Variants in DSCAML1 observed in about 807,000 individuals in gnomAD.
The protein encoded by DSCAML1 is cell adhesion molecule DSCAML1.
In DSCAML1, 38 loss-of-function variants were observed where a neutral mutation model predicts 200.5. The ratio of observed to expected loss-of-function variants is 0.19; its 90% confidence interval spans 0.15 to 0.25. DSCAML1 has a LOEUF of 0.25. Among genes scored for constraint, DSCAML1 ranks in the 10% least tolerant of loss-of-function variants. DSCAML1 has a pLI of 1.00. For synonymous variants in DSCAML1, 1,215 were observed against 1,165.0 expected (o/e 1.04, Z -0.87); for missense variants, 2,223 against 2,858.8 (o/e 0.78, Z 5.07).
intron 3 of DSCAML1, among the ~76,000 whole-genome samples, chr11:117,557,343 C>T (rs2050576732): frequency 6.6e-6 from 1 of 152,118 alleles, no homozygotes; most frequent in African/African-American, 2.4e-5. Context: ...CCCTAAGGTG[C>T]AGGAAAGAAG....
chr11:117,431,603 C>A lies in DSCAML1; in HGVS notation c.5305G>T (p.Val1769Leu). 1.2e-6 allele frequency: 2 copies of A among 1,612,470 alleles called. No individual in the cohort carries two copies. Among genetic ancestry groups the A allele is most frequent in the Non-Finnish European group, 1.7e-6 (2 of 1,179,078 alleles). The change falls in exon 31 of 33, where the codon GTG becomes TTG. Residue 1769 changes from valine to leucine, a missense_variant. Physicochemically the swap from Val to Leu is conservative, Grantham distance 32. Coordinates refer to ENST00000651296, the MANE Select transcript of DSCAML1 (RefSeq NM_020693.4). ...ARTLTSDWRT[V>L]GSQHGVTVTE... ...ACCGTGACACCATGCTGGGAGCCCACGGTGCGCCAGTCGGAGGTGAGGGTG... is the reference window on the plus strand; with the variant it reads ...ACCGTGACACCATGCTGGGAGCCCAAGGTGCGCCAGTCGGAGGTGAGGGTG...
intron 3 of DSCAML1, among the ~76,000 whole-genome samples, chr11:117,547,965 C>T (rs1434394798): frequency 6.6e-6 from 1 of 152,172 alleles, no homozygotes; most frequent in Non-Finnish European, 1.5e-5. Flanking sequence ...AGAGTCAGCT[C>T]ACATCCCCTT....
At chr11:117,754,664 C>T (rs1017780875) in intron 3 of DSCAML1, among the ~76,000 whole-genome samples, 2 of 152,028 alleles carry the variant, frequency 1.3e-5, no homozygotes, top group African/African-American at 2.4e-5. Context: ...CTTGAAACAG[C>T]GACTTTATAA....
chr11:117,458,812 G>T lies in DSCAML1; in HGVS notation c.3510C>A (p.Tyr1170Ter). The change falls in exon 19 of 33, where the codon TAC becomes TAA. Residue 1170 changes from tyrosine to a stop codon, truncating the protein, a stop_gained. Coordinates refer to ENST00000651296, the MANE Select transcript of DSCAML1 (RefSeq NM_020693.4). LOFTEE classifies it high-confidence loss of function. ...TGCGTACGCCGTCCCCAGCCTGGGT[G>T]TAGGCCAGCACCTGGACGCTGTAGT... ...FTNYSVQVLA[Y>*]TQAGDGVRSS... 1 of 1,614,068 alleles carries T rather than the reference G, an allele frequency of 6.2e-7. No individual in the cohort carries two copies. The highest frequency in any genetic ancestry group is 8.5e-7 in the Non-Finnish European group (1 of 1,180,014).
chr11:117,637,190 T>C (rs533478846), intron 3 of DSCAML1, among the ~76,000 whole-genome samples: 24 of 152,252 alleles, frequency 1.6e-4, no homozygotes, highest in African/African-American at 5.8e-4. Flanking sequence ...CTATTCCCTA[T>C]GCTCACTGCA....
intron 22 of DSCAML1, 57 bp from the exon 23 acceptor site, chr11:117,439,486 G>A: frequency 6.3e-7 from 1 of 1,576,484 alleles, no homozygotes; most frequent in East Asian, 2.3e-5. Flanking sequence ...TCCTCCTGAG[G>A]CCCTCCCCCC....
intron 1 of DSCAML1, among the ~76,000 whole-genome samples, chr11:117,786,457 G>A (rs147947751): frequency 2.6e-3 from 390 of 152,262 alleles, no homozygotes; most frequent in African/African-American, 8.0e-3. Context: ...CAGGGTCACC[G>A]CTGAAACCTA....
At chr11:117,725,188 C>T (rs972963994) in intron 3 of DSCAML1, among the ~76,000 whole-genome samples, 3 of 152,204 alleles carry the variant, frequency 2.0e-5, no homozygotes, top group South Asian at 2.1e-4. Flanking sequence ...ATAGCTGGGC[C>T]GGTCTCCGTG....
chr11:117,460,692 C>T (rs545028253), intron 18 of DSCAML1, among the ~76,000 whole-genome samples: 4 of 152,196 alleles, frequency 2.6e-5, no homozygotes, highest in East Asian at 1.9e-4. Context: ...CATTCCAGGG[C>T]GAGGAAGACA....
intron 3 of DSCAML1, among the ~76,000 whole-genome samples, chr11:117,755,977 C>G (rs1414888494): frequency 6.6e-6 from 1 of 152,140 alleles, no homozygotes; most frequent in Admixed American, 6.6e-5. Context: ...GTAATACCAA[C>G]AGAGGAAAAG....
chr11:117,755,964 C>T (rs961369983), intron 3 of DSCAML1, among the ~76,000 whole-genome samples: 7 of 152,226 alleles, frequency 4.6e-5, no homozygotes, highest in African/African-American at 9.6e-5. Flanking sequence ...GTTCTGCTGT[C>T]GGGTAATACC....
intron 1 of DSCAML1, among the ~76,000 whole-genome samples, chr11:117,812,925 A>G (rs537775301): frequency 0.015 from 2,326 of 151,986 alleles, 55 homozygotes; most frequent in African/African-American, 0.052. Context: ...AGCGGCTGCC[A>G]CTGCTTTAAT....
At chr11:117,557,085 A>C (rs2050572105) in intron 3 of DSCAML1, among the ~76,000 whole-genome samples, 1 of 152,194 alleles carries the variant, frequency 6.6e-6, no homozygotes, top group African/African-American at 2.4e-5. Context: ...TCCAATAGCC[A>C]TAAAGGGATT....
At chr11:117,447,252 C>T (rs1038094815) in intron 20 of DSCAML1, among the ~76,000 whole-genome samples, 2 of 152,222 alleles carry the variant, frequency 1.3e-5, no homozygotes, top group African/African-American at 4.8e-5. Flanking sequence ...GGTGCCACTG[C>T]ACTCCAGCCT....
intron 3 of DSCAML1, among the ~76,000 whole-genome samples, chr11:117,659,618 A>G (rs2052801773): frequency 6.6e-6 from 1 of 152,180 alleles, no homozygotes; most frequent in Non-Finnish European, 1.5e-5. Context: ...GGAGGAAGCC[A>G]CTGGGCTTGG....
chr11:117,797,896 C>A (rs1274898474), upstream of DSCAML1, among the ~76,000 whole-genome samples: 3 of 152,256 alleles, frequency 2.0e-5, no homozygotes, highest in East Asian at 5.8e-4. Context: ...CTATAGCTTT[C>A]CTGCCTGACA....
At chr11:117,468,559 C>CACA (rs1565710934) in intron 16 of DSCAML1, among the ~76,000 whole-genome samples, 3 of 152,166 alleles carry the variant, frequency 2.0e-5, no homozygotes, top group African/African-American at 7.2e-5. Flanking sequence ...ACAGCCAGGA[C>CACA]GCAGCCAAGA....
chr11:117,699,315 G>A lies in DSCAML1; in HGVS notation c.511+77476C>T, dbSNP rs115795546. On this transcript the variant is annotated intron_variant, in intron 3 of 32. Transcript: ENST00000651296. ...CCGGGAGGAATTATTACACAGGGACGGGGCTGTAGCACACGGCTGGGTCTC... is the reference window on the plus strand; with the variant it reads ...CCGGGAGGAATTATTACACAGGGACAGGGCTGTAGCACACGGCTGGGTCTC... Among the ~76,000 whole-genome samples, 1,199 of 152,286 alleles carry A rather than the reference G, an allele frequency of 7.9e-3. 8 individuals are homozygous for A. The highest frequency in any genetic ancestry group is 0.027 in the African/African-American group (1,114 of 41,550).
intron 3 of DSCAML1, among the ~76,000 whole-genome samples, chr11:117,657,868 A>C (rs1591370248): frequency 6.6e-6 from 1 of 152,166 alleles, no homozygotes; most frequent in Non-Finnish European, 1.5e-5. Context: ...GAGCCTCTCC[A>C]TGGCCCGAGG....
Sources: allele counts gnomAD v4.1 joint callset (sites outside exome capture counted in the v4.1 genomes callset), GRCh38; gene constraint gnomAD v4.1.1; transcripts MANE v1.5; gene names NCBI Gene and HGNC (gene_info 2026-07-23, HGNC 2026-07-21).